CHST11: variants seen among roughly 807,000 people sequenced by gnomAD.
CHST11 encodes the protein C4S-1.
A neutral mutation model predicts 30.4 loss-of-function variants in CHST11; 9 were observed. The observed-to-expected ratio is 0.30, with a 90% confidence interval of 0.18 to 0.52. CHST11 has a LOEUF of 0.52. Ranked by LOEUF, CHST11 falls within the 20% of genes least tolerant of loss-of-function variation. CHST11 has a pLI of 0.97. For missense variants in CHST11, 348 were observed against 460.6 expected, an observed-to-expected ratio of 0.76 and a Z score of 2.24; for synonymous variants, 152 against 187.8, an observed-to-expected ratio of 0.81 and a Z score of 1.56.
intron 2 of CHST11, among the ~76,000 whole-genome samples, chr12:104,686,797 G>T (rs1180236260): frequency 6.6e-6 from 1 of 151,976 alleles, no homozygotes; most frequent in African/African-American, 2.4e-5. Flanking sequence ...ACAGGCACCC[G>T]CCACCACGCC....
intron 2 of CHST11, among the ~76,000 whole-genome samples, chr12:104,645,535 G>T (rs1293900031): frequency 6.6e-6 from 1 of 152,168 alleles, no homozygotes; most frequent in African/African-American, 2.4e-5. Flanking sequence ...CACCGCAGTT[G>T]TCTTTATTTT....
chr12:104,513,792 T>C (rs1464800329), intron 1 of CHST11, among the ~76,000 whole-genome samples: 3 of 152,268 alleles, frequency 2.0e-5, no homozygotes, highest in Admixed American at 2.0e-4. Flanking sequence ...AGTTGAGGTC[T>C]TTGTATTCAT....
chr12:104,726,160 G>A (rs1295544766), intron 2 of CHST11, among the ~76,000 whole-genome samples: 3 of 152,224 alleles, frequency 2.0e-5, no homozygotes, highest in African/African-American at 7.2e-5. Context: ...GGAGTTCTAA[G>A]TGTCTCATCT....
intron 2 of CHST11, among the ~76,000 whole-genome samples, chr12:104,713,507 A>C (rs1214722484): frequency 6.6e-6 from 1 of 152,206 alleles, no homozygotes; most frequent in South Asian, 2.1e-4. Flanking sequence ...AAATTTTTCA[A>C]AACGGCTCTG....
At chr12:104,613,926 C>G (rs2039083964) in intron 2 of CHST11, among the ~76,000 whole-genome samples, 1 of 152,108 alleles carries the variant, frequency 6.6e-6, no homozygotes, top group Non-Finnish European at 1.5e-5. Flanking sequence ...TCAAGGGGTA[C>G]AAAGTTTCAT....
intron 1 of CHST11, among the ~76,000 whole-genome samples, chr12:104,591,404 C>T (rs941567794): frequency 1.3e-5 from 2 of 151,942 alleles, no homozygotes; most frequent in Admixed American, 6.6e-5. Context: ...GCGATGATGG[C>T]TTGTACCAGG....
At chr12:104,652,303 C>T (rs946834792) in intron 2 of CHST11, among the ~76,000 whole-genome samples, 9 of 152,148 alleles carry the variant, frequency 5.9e-5, no homozygotes, top group African/African-American at 1.9e-4. Flanking sequence ...TTGTCGGCAG[C>T]GGGATAATTG....
chr12:104,513,498 T>A (rs1275239864), intron 1 of CHST11, among the ~76,000 whole-genome samples: 2 of 152,224 alleles, frequency 1.3e-5, no homozygotes, highest in African/African-American at 2.4e-5. Context: ...TGTGTGTTTA[T>A]TATGAAGCCT....
chr12:104,721,003 G>T (rs1206599743), intron 2 of CHST11, among the ~76,000 whole-genome samples: 1 of 152,178 alleles, frequency 6.6e-6, no homozygotes, highest in Non-Finnish European at 1.5e-5. Flanking sequence ...GGCCGGGGCT[G>T]GTCCTCGGCT....
chr12:104,681,754 T>C (rs994935461), intron 2 of CHST11, among the ~76,000 whole-genome samples: 8 of 151,816 alleles, frequency 5.3e-5, no homozygotes, highest in African/African-American at 9.7e-5. Flanking sequence ...TGGGAGACAA[T>C]TGAAGTCTGT....
chr12:104,703,928 A>G (rs746277811), intron 2 of CHST11, among the ~76,000 whole-genome samples: 7 of 152,208 alleles, frequency 4.6e-5, no homozygotes, highest in Admixed American at 1.3e-4. Flanking sequence ...AGGGGCATTT[A>G]GAACAGTGCC....
intron 2 of CHST11, among the ~76,000 whole-genome samples, chr12:104,673,504 C>A (rs1043566711): frequency 6.6e-5 from 10 of 152,160 alleles, no homozygotes; most frequent in African/African-American, 2.4e-4. Flanking sequence ...GATAATAGTA[C>A]CTACCCATAG....
rs1387675262 is a variant in CHST11 at position 104,630,871 on chromosome 12, G to A, written c.204+28880G>A. Among the ~76,000 whole-genome samples the A allele has an allele frequency of 2.0e-5, 3 of 152,178 alleles. 1 individual carries two copies. Among genetic ancestry groups the A allele is most frequent in the Non-Finnish European group, 1.5e-5 (1 of 68,044 alleles). ...ATCCTGGCAACTTGTGTCAGCAGCTGCACCCCAAAGTTTATGTCTGCCTTA... is the reference window on the plus strand; with the variant it reads ...ATCCTGGCAACTTGTGTCAGCAGCTACACCCCAAAGTTTATGTCTGCCTTA... On this transcript the variant is annotated intron_variant, in intron 2 of 2. Transcript: ENST00000303694.
intron 2 of CHST11, among the ~76,000 whole-genome samples, chr12:104,755,914 C>T (rs934221829): frequency 2.0e-5 from 3 of 151,952 alleles, no homozygotes; most frequent in African/African-American, 7.3e-5. Flanking sequence ...TCTCGGGACC[C>T]CCCCCTCCGG....
chr12:104,684,076 C>T (rs73390103), intron 2 of CHST11, among the ~76,000 whole-genome samples: 285 of 152,294 alleles, frequency 1.9e-3, no homozygotes, highest in African/African-American at 6.4e-3. Flanking sequence ...CGAGGAGATG[C>T]GGCAGAACTA....
chr12:104,591,885 T>C (rs1197228562), intron 1 of CHST11, among the ~76,000 whole-genome samples: 1 of 152,030 alleles, frequency 6.6e-6, no homozygotes, highest in Non-Finnish European at 1.5e-5. Context: ...CTCGGTTTTC[T>C]ATATATATTT....
chr12:104,734,965 G>T (rs2040288338), intron 2 of CHST11, among the ~76,000 whole-genome samples: 1 of 152,202 alleles, frequency 6.6e-6, no homozygotes, highest in South Asian at 2.1e-4. Context: ...CCTCATCAGG[G>T]CAAACTGCAA....
rs577440394 is a variant in CHST11 at position 104,649,826 on chromosome 12, A to G, written c.204+47835A>G. On this transcript the variant is annotated intron_variant, in intron 2 of 2. Transcript: ENST00000303694. Reference sequence around the variant, plus strand: ...TAATGGGATGGGGAATGCAGCACTCAGCATGGTGAGCTCACATAATAAAGT... The same window carrying G: ...TAATGGGATGGGGAATGCAGCACTCGGCATGGTGAGCTCACATAATAAAGT... Among the ~76,000 whole-genome samples the G allele has an allele frequency of 4.6e-5, 7 of 152,368 alleles. 2 individuals are homozygous for G. Among genetic ancestry groups the G allele is most frequent in the African/African-American group, 1.4e-4 (6 of 41,588 alleles).
At chr12:104,570,844 C>T (rs1162886806) in intron 1 of CHST11, among the ~76,000 whole-genome samples, 1 of 152,064 alleles carries the variant, frequency 6.6e-6, no homozygotes, top group African/African-American at 2.4e-5. Context: ...GCGCCTGTCA[C>T]CACACCCGGC....
Sources: gnomAD v4.1 joint callset for allele counts (sites outside exome capture counted in the v4.1 genomes callset) on GRCh38, gnomAD v4.1.1 for gene constraint, MANE v1.5 for transcripts, NCBI Gene and HGNC (gene_info 2026-07-23, HGNC 2026-07-21) for gene names.